KRTAP19-3: variants seen among roughly 807,000 people sequenced by gnomAD.
KRTAP19-3 encodes the protein keratin associated protein 19-3, also known as keratin-associated protein 19-3.
For synonymous variants in KRTAP19-3, 37 were observed against 41.9 expected, an observed-to-expected ratio of 0.88 and a Z score of 0.45; for missense variants, 106 against 101.6, an observed-to-expected ratio of 1.04 and a Z score of -0.19.
In KRTAP19-3 at chr21:30,491,755, C is replaced by T. The variant is rs543308267; in HGVS notation, c.203G>A (p.Arg68His). The stretch of plus-strand genomic sequence containing the variant: ...TCCATATCCTCCATAGTATGATGGG[C>T]GGTAGCAGCCATATCCGTAGCCTCC... The part of the protein sequence containing the change: ...GFGGYGYGCY[R>H]PSYYGGYGFS... Residue 68 changes from arginine to histidine, a missense_variant, in exon 1 of 1, where the codon CGC becomes CAC. Coordinates refer to ENST00000334063, the MANE Select transcript of KRTAP19-3 (RefSeq NM_181609.4). 38 of 1,614,062 alleles carry T rather than the reference C, an allele frequency of 2.4e-5. No homozygotes were observed. The highest frequency in any genetic ancestry group is 1.6e-4 in the African/African-American group (12 of 74,986).
Position 30,491,613 on chromosome 21 carries a change from T to C in KRTAP19-3, c.*99A>G. 3.8e-6 allele frequency: 6 copies of C among 1,559,116 alleles called. No homozygotes were observed. Among genetic ancestry groups the C allele is most frequent in the Non-Finnish European group, 5.2e-6 (6 of 1,152,132 alleles). ...AATTCTGAGATGTTAAATTCTTTTG[T>C]GCAAATAGCTCCAGCATGATCTTTG... On this transcript the variant is annotated 3_prime_UTR_variant, in exon 1 of 1. Coordinates refer to ENST00000334063, the MANE Select transcript of KRTAP19-3 (RefSeq NM_181609.4).
chr21:30,491,642 T>C lies in KRTAP19-3; in HGVS notation c.*70A>G. 6.3e-7 allele frequency: 1 copy of C among 1,599,582 alleles called. No homozygotes were observed. Among genetic ancestry groups the C allele is most frequent in the Non-Finnish European group, 8.5e-7 (1 of 1,170,654 alleles). ...AATAGCTCCAGCATGATCTTTGTTG[T>C]CCAATGATTGAAGTCAGCTCTGGGA... is the stretch of plus-strand genomic sequence containing the variant. On this transcript the variant is annotated 3_prime_UTR_variant, in exon 1 of 1. Coordinates refer to ENST00000334063, the MANE Select transcript of KRTAP19-3 (RefSeq NM_181609.4).
chr21:30,491,983 T>A lies in KRTAP19-3; in HGVS notation c.-26A>T, dbSNP rs756995494. ...GGTGTCAGGGGTAGTGAGTTTGGTT[T>A]GCTGCTCAAGGCAAGGTCCTGAGTG... is the stretch of plus-strand genomic sequence containing the variant. On this transcript the variant is annotated 5_prime_UTR_variant, in exon 1 of 1. Coordinates refer to ENST00000334063, the MANE Select transcript of KRTAP19-3 (RefSeq NM_181609.4). 74 of 1,613,646 alleles carry A rather than the reference T, an allele frequency of 4.6e-5. No homozygotes were observed. Among genetic ancestry groups the A allele is most frequent in the Non-Finnish European group, 5.5e-5 (65 of 1,179,670 alleles).
Position 30,491,499 on chromosome 21 carries a change from C to G in KRTAP19-3, c.*213G>C. 1.4e-6 allele frequency: 1 copy of G among 709,890 alleles called. No homozygotes were observed. The highest frequency in any genetic ancestry group is 2.0e-5 in the South Asian group (1 of 49,496). 44.0% of individuals were successfully genotyped at this position (709,890 alleles called of 1,614,324 possible). On this transcript the variant is annotated 3_prime_UTR_variant, in exon 1 of 1. Transcript: ENST00000334063. ...ATAGAATGTTTTATTGGAAGATAAA[C>G]AGATAATTCAATCAGCTTTAAAAGC...
Position 30,491,563 on chromosome 21 carries a change from T to C in KRTAP19-3, c.*149A>G. On this transcript the variant is annotated 3_prime_UTR_variant, in exon 1 of 1. Transcript: ENST00000334063. ...ACTAGGATTATTATAGAGATGTGGGTATACAGAGAAAAAAAATTGCCTGAA... is the reference window on the plus strand; with the variant it reads ...ACTAGGATTATTATAGAGATGTGGGCATACAGAGAAAAAAAATTGCCTGAA... 8.0e-7 allele frequency: 1 copy of C among 1,257,638 alleles called. No homozygotes were observed. The highest frequency in any genetic ancestry group is 1.4e-5 in the South Asian group (1 of 70,556). The allele number at this position is 1,257,638 out of a possible 1,614,324, so 77.9% of individuals were successfully genotyped here.
Position 30,491,782 on chromosome 21 carries a change from A to C in KRTAP19-3, c.176T>G (p.Phe59Cys). The C allele has an allele frequency of 6.2e-7, 1 of 1,614,046 alleles. No individual in the cohort carries two copies. Among genetic ancestry groups the C allele is most frequent in the Non-Finnish European group, 8.5e-7 (1 of 1,179,984 alleles). The part of the protein sequence containing the change: ...GFGGYGYGSG[F>C]GGYGYGCYRP... The stretch of plus-strand genomic sequence containing the variant: ...GTAGCAGCCATATCCGTAGCCTCCG[A>C]AGCCAGAGCCATATCCATAGCCTCC... The change falls in exon 1 of 1, where the codon TTC becomes TGC. Residue 59 changes from phenylalanine (F) to cysteine (C), a missense_variant. Coordinates refer to ENST00000334063, the MANE Select transcript of KRTAP19-3 (RefSeq NM_181609.4).
rs754541272 is a variant in KRTAP19-3, at chr21:30,492,003, T to G, written c.-46A>C. The G allele has an allele frequency of 3.1e-6, 5 of 1,611,780 alleles. No homozygotes were observed. The highest frequency in any genetic ancestry group is 4.2e-6 in the Non-Finnish European group (5 of 1,178,288). Reference sequence around the variant, plus strand: ...TGGTTTGCTGCTCAAGGCAAGGTCCTGAGTGTGAATGTTGACATCTGTGCA... The same window carrying G: ...TGGTTTGCTGCTCAAGGCAAGGTCCGGAGTGTGAATGTTGACATCTGTGCA... On this transcript the variant is annotated 5_prime_UTR_variant, in exon 1 of 1. Coordinates refer to ENST00000334063, the MANE Select transcript of KRTAP19-3 (RefSeq NM_181609.4).
rs1356488171 is a variant in KRTAP19-3, at chr21:30,491,634, C to G, written c.*78G>C. On this transcript the variant is annotated 3_prime_UTR_variant, in exon 1 of 1. Coordinates refer to ENST00000334063, the MANE Select transcript of KRTAP19-3 (RefSeq NM_181609.4). ...TTTGTGCAAATAGCTCCAGCATGAT[C>G]TTTGTTGTCCAATGATTGAAGTCAG... The G allele has an allele frequency of 3.8e-6, 6 of 1,593,024 alleles. No homozygotes were observed.
chr21:30,491,881 C>A lies in KRTAP19-3; in HGVS notation c.77G>T (p.Gly26Val), dbSNP rs767061445. The A allele has an allele frequency of 1.2e-6, 2 of 1,614,180 alleles. No individual in the cohort carries two copies. The highest frequency in any genetic ancestry group is 2.2e-5 in the South Asian group (2 of 91,080). The change falls in exon 1 of 1, where the codon GGC (glycine) becomes GTC (valine). Residue 26 changes from glycine to valine, a missense_variant. By Grantham distance (109) the Gly-to-Val change is moderately radical. Transcript: ENST00000334063. Reference protein sequence around the residue: ...GGFGGLGYGYGCGCGSFRRLG... With the variant: ...GGFGGLGYGYVCGCGSFRRLG... ...TCTGCGGAAGCTGCCACATCCACAGCCATAGCCATAGCCCAGGCCACCAAA... is the reference window on the plus strand; with the variant it reads ...TCTGCGGAAGCTGCCACATCCACAGACATAGCCATAGCCCAGGCCACCAAA...
Position 30,491,562 on chromosome 21 carries a change from G to A in KRTAP19-3, c.*150C>T. On this transcript the variant is annotated 3_prime_UTR_variant, in exon 1 of 1. Coordinates refer to ENST00000334063, the MANE Select transcript of KRTAP19-3 (RefSeq NM_181609.4). ...TACTAGGATTATTATAGAGATGTGGGTATACAGAGAAAAAAAATTGCCTGA... is the reference window on the plus strand; with the variant it reads ...TACTAGGATTATTATAGAGATGTGGATATACAGAGAAAAAAAATTGCCTGA... 8.1e-7 allele frequency: 1 copy of A among 1,241,582 alleles called. No homozygotes were observed. The highest frequency in any genetic ancestry group is 1.4e-5 in the South Asian group (1 of 70,212). 76.9% of individuals were successfully genotyped at this position (1,241,582 alleles called of 1,614,324 possible).
rs547748681 is a variant in KRTAP19-3 at position 30,491,941 on chromosome 21, C to T, written c.17G>A (p.Ser6Asn). 2.5e-6 allele frequency: 4 copies of T among 1,614,198 alleles called. No individual in the cohort carries two copies. In the African/African-American group the frequency reaches 5.3e-5, roughly 22 times the overall value. The change falls in exon 1 of 1, where the codon AGC becomes AAC. Residue 6 changes from serine (S) to asparagine (N), a missense_variant. By Grantham distance (46) the Ser-to-Asn change is conservative (BLOSUM62 1). Transcript: ENST00000334063. MSYYG[S>N]YYGGLGYGCG... ...GCCATAGCCCAGGCCTCCATAGTAG[C>T]TGCCGTAGTAGCTCATGGTGTCAGG...
Position 30,491,640 on chromosome 21 carries a change from T to G in KRTAP19-3, c.*72A>C. 3 of 1,597,850 alleles carry G rather than the reference T, an allele frequency of 1.9e-6. No homozygotes were observed. Among genetic ancestry groups the G allele is most frequent in the South Asian group, 2.2e-5 (2 of 89,532 alleles). The stretch of plus-strand genomic sequence containing the variant: ...CAAATAGCTCCAGCATGATCTTTGT[T>G]GTCCAATGATTGAAGTCAGCTCTGG... On this transcript the variant is annotated 3_prime_UTR_variant, in exon 1 of 1. Transcript: ENST00000334063.
rs561996369 is a variant in KRTAP19-3 at position 30,491,835 on chromosome 21, A to G, written c.123T>C (p.Tyr41=). 3 of 1,614,150 alleles carry G rather than the reference A, an allele frequency of 1.9e-6. No homozygotes were observed. Among genetic ancestry groups the G allele is most frequent in the Admixed American group, 1.7e-5 (1 of 60,012 alleles). Reference sequence around the variant, plus strand: ...AGCCAGAGCCATATCCGTAGCCTCCATAGCCACAGCCAGAACCCAGTCTGC... The same window carrying G: ...AGCCAGAGCCATATCCGTAGCCTCCGTAGCCACAGCCAGAACCCAGTCTGC... ...SFRRLGSGCG[Y]GGYGYGSGFG... The change falls in exon 1 of 1, where the codon TAT becomes TAC. Residue 41 remains tyrosine, a synonymous_variant. Coordinates refer to ENST00000334063, the MANE Select transcript of KRTAP19-3 (RefSeq NM_181609.4).
chr21:30,491,896 A>G lies in KRTAP19-3; in HGVS notation c.62T>C (p.Leu21Pro). 1 of 1,614,072 alleles carries G rather than the reference A, an allele frequency of 6.2e-7. No individual in the cohort carries two copies. Among genetic ancestry groups the G allele is most frequent in the South Asian group, 1.1e-5 (1 of 91,076 alleles). The change falls in exon 1 of 1, where the codon CTG becomes CCG. Residue 21 changes from leucine (L) to proline (P), a missense_variant. By Grantham distance (98) the Leu-to-Pro change is moderately conservative (BLOSUM62 -3). Coordinates refer to ENST00000334063, the MANE Select transcript of KRTAP19-3 (RefSeq NM_181609.4). ...ACATCCACAGCCATAGCCATAGCCC[A>G]GGCCACCAAAGCCTCCACAGCCATA... ...LGYGCGGFGG[L>P]GYGYGCGCGS...
chr21:30,491,530 T>A lies in KRTAP19-3; in HGVS notation c.*182A>T, dbSNP rs191826883. 6.2e-5 allele frequency: 60 copies of A among 961,012 alleles called. No homozygotes were observed. In the East Asian group the frequency reaches 1.4e-3, roughly 22 times the overall value. 59.5% of individuals were successfully genotyped at this position (961,012 alleles called of 1,614,324 possible). A position where few individuals can be genotyped will look rare whatever the true frequency, so the allele number is the denominator to read the frequency against. ...ATTCAATCAGCTTTAAAAGCAAAAG[T>A]AGAGAATACTAGGATTATTATAGAG... On this transcript the variant is annotated 3_prime_UTR_variant, in exon 1 of 1. Transcript: ENST00000334063.
chr21:30,491,825 C>G lies in KRTAP19-3; in HGVS notation c.133G>C (p.Gly45Arg). The G allele has an allele frequency of 1.9e-6, 3 of 1,614,120 alleles. No individual in the cohort carries two copies. Among genetic ancestry groups the G allele is most frequent in the Non-Finnish European group, 2.5e-6 (3 of 1,180,016 alleles). ...LGSGCGYGGY[G>R]YGSGFGGYGY... ...TAGCCTCCAAAGCCAGAGCCATATCCGTAGCCTCCATAGCCACAGCCAGAA... is the reference window on the plus strand; with the variant it reads ...TAGCCTCCAAAGCCAGAGCCATATCGGTAGCCTCCATAGCCACAGCCAGAA... The change falls in exon 1 of 1, where the codon GGA (glycine) becomes CGA (arginine). Residue 45 changes from glycine to arginine, a missense_variant. Physicochemically the swap from Gly to Arg is moderately radical, Grantham distance 125 (BLOSUM62 -2). Transcript: ENST00000334063.
rs1985980229 is a variant in KRTAP19-3, at chr21:30,491,785, C to T, written c.173G>A (p.Gly58Asp). The T allele has an allele frequency of 1.2e-6, 2 of 1,614,102 alleles. No individual in the cohort carries two copies. The highest frequency in any genetic ancestry group is 2.7e-5 in the African/African-American group (2 of 75,018). ...SGFGGYGYGS[G>D]FGGYGYGCYR... ...GCAGCCATATCCGTAGCCTCCGAAG[C>T]CAGAGCCATATCCATAGCCTCCAAA... The change falls in exon 1 of 1, where the codon GGC becomes GAC. Residue 58 changes from glycine (G) to aspartate (D), a missense_variant. By Grantham distance (94) the Gly-to-Asp change is moderately conservative. Coordinates refer to ENST00000334063, the MANE Select transcript of KRTAP19-3 (RefSeq NM_181609.4).
In KRTAP19-3 at chr21:30,491,572, A is replaced by G; in HGVS notation, c.*140T>C. The G allele has an allele frequency of 7.1e-7, 1 of 1,417,098 alleles. No individual in the cohort carries two copies. The highest frequency in any genetic ancestry group is 1.4e-5 in the South Asian group (1 of 73,622). The allele number at this position is 1,417,098 out of a possible 1,614,324, so 87.8% of individuals were successfully genotyped here. On this transcript the variant is annotated 3_prime_UTR_variant, in exon 1 of 1. Coordinates refer to ENST00000334063, the MANE Select transcript of KRTAP19-3 (RefSeq NM_181609.4). Reference sequence around the variant, plus strand: ...ATTATAGAGATGTGGGTATACAGAGAAAAAAAATTGCCTGAAATTCTGAGA... The same window carrying G: ...ATTATAGAGATGTGGGTATACAGAGGAAAAAAATTGCCTGAAATTCTGAGA...
In KRTAP19-3 at chr21:30,491,701, G is replaced by T; in HGVS notation, c.*11C>A. Reference sequence around the variant, plus strand: ...TTATAATTTCACACATTGTGTTGCTGGGGCAGTAGTTTAATAGAATCCAGA... The same window carrying T: ...TTATAATTTCACACATTGTGTTGCTTGGGCAGTAGTTTAATAGAATCCAGA... On this transcript the variant is annotated 3_prime_UTR_variant, in exon 1 of 1. Coordinates refer to ENST00000334063, the MANE Select transcript of KRTAP19-3 (RefSeq NM_181609.4). 1 of 1,613,984 alleles carries T rather than the reference G, an allele frequency of 6.2e-7. No individual in the cohort carries two copies. Among genetic ancestry groups the T allele is most frequent in the South Asian group, 1.1e-5 (1 of 91,080 alleles).
Sources: allele counts gnomAD v4.1 joint callset, GRCh38; gene constraint gnomAD v4.1.1; transcripts MANE v1.5; gene names NCBI Gene and HGNC (gene_info 2026-07-23, HGNC 2026-07-21).